TMEM163: variants seen among roughly 807,000 people sequenced by gnomAD.
TMEM163 encodes the protein transmembrane protein 163.
A neutral mutation model predicts 29.3 loss-of-function variants in TMEM163; 17 were observed. The observed-to-expected ratio is 0.58, with a 90% CI of 0.40 to 0.87. TMEM163 has a LOEUF of 0.87. TMEM163 is among the 40% of genes least tolerant of loss of function. TMEM163 has a pLI of 0.00. For synonymous variants in TMEM163, 157 were observed against 160.6 expected (o/e 0.98, Z 0.17); for missense variants, 303 against 381.5 (o/e 0.79, Z 1.71).
intron 5 of TMEM163, among the ~76,000 whole-genome samples, chr2:134,483,210 C>T (rs1679235547): frequency 6.6e-6 from 1 of 152,152 alleles, no homozygotes; most frequent in South Asian, 2.1e-4. Flanking sequence ...ATCAGAGTCT[C>T]GGGGACAAGC....
intron 4 of TMEM163, among the ~76,000 whole-genome samples, chr2:134,528,081 C>G (rs1422794069): frequency 1.3e-5 from 2 of 152,176 alleles, no homozygotes; most frequent in Non-Finnish European, 2.9e-5. Flanking sequence ...AAAAGAAACA[C>G]CTGGTCCTTC....
intron 5 of TMEM163, among the ~76,000 whole-genome samples, chr2:134,500,407 T>C (rs1679672244): frequency 6.6e-6 from 1 of 152,190 alleles, no homozygotes; most frequent in Non-Finnish European, 1.5e-5. Context: ...CACTCAGCCC[T>C]CAGCCGAGGA....
rs1169149117 is a variant in TMEM163, at chr2:134,713,290, G to A, written c.232C>T (p.Pro78Ser). 2 of 1,614,076 alleles carry A rather than the reference G, an allele frequency of 1.2e-6. No homozygotes were observed. Among genetic ancestry groups the A allele is most frequent in the Non-Finnish European group, 8.5e-7 (1 of 1,180,000 alleles). ...TTCCTGTAGTTCTGGGCTTCGTGAG[G>A]TTTCAGGCGGGTGCTGCTTTCTAGT... ...GLLESSTRLKPHEAQNYRKKA... is the reference protein window; with the variant it reads ...GLLESSTRLKSHEAQNYRKKA... Residue 78 changes from proline (P) to serine (S), a missense_variant, in exon 2 of 8, where the codon CCT becomes TCT. By Grantham distance (74) the Pro-to-Ser change is moderately conservative. Coordinates refer to ENST00000281924, the MANE Select transcript of TMEM163 (RefSeq NM_030923.5).
intron 2 of TMEM163, among the ~76,000 whole-genome samples, chr2:134,605,136 C>G (rs1682323381): frequency 6.6e-6 from 1 of 150,740 alleles, no homozygotes; most frequent in African/African-American, 2.4e-5. Context: ...GGGATCGCAC[C>G]ACTGCACTCC....
intron 5 of TMEM163, among the ~76,000 whole-genome samples, chr2:134,476,474 A>C (rs1686915142): frequency 6.6e-6 from 1 of 152,192 alleles, no homozygotes; most frequent in Non-Finnish European, 1.5e-5. Flanking sequence ...ATTATATCTC[A>C]ATAAAACTAA....
intron 2 of TMEM163, among the ~76,000 whole-genome samples, chr2:134,682,051 G>A (rs1005065293): frequency 2.0e-5 from 3 of 152,124 alleles, no homozygotes; most frequent in Non-Finnish European, 4.4e-5. Context: ...AGGATCCTAC[G>A]TAGTCTTTCA....
intron 2 of TMEM163, among the ~76,000 whole-genome samples, chr2:134,645,859 G>T (rs1252268661): frequency 2.0e-5 from 3 of 152,110 alleles, no homozygotes; most frequent in Non-Finnish European, 4.4e-5. Flanking sequence ...AAATTGTGCT[G>T]TATTCTGATT....
intron 2 of TMEM163, among the ~76,000 whole-genome samples, chr2:134,594,253 A>T (rs1682008286): frequency 1.3e-5 from 2 of 149,816 alleles, no homozygotes; most frequent in South Asian, 4.3e-4. Context: ...AGAAAGGGGG[A>T]GAAAGAGAGA....
chr2:134,579,816 A>G (rs548116400), intron 2 of TMEM163, among the ~76,000 whole-genome samples: 1 of 152,360 alleles, frequency 6.6e-6, no homozygotes, highest in South Asian at 2.1e-4. Context: ...AAATCTATGT[A>G]AAATATCAGT....
chr2:134,560,946 G>A (rs1681158412), intron 2 of TMEM163, among the ~76,000 whole-genome samples: 1 of 142,584 alleles, frequency 7.0e-6, no homozygotes, highest in Non-Finnish European at 1.5e-5. Flanking sequence ...CCAGCTCAGA[G>A]ACAAAAAGAC....
At chr2:134,704,715 C>T (rs980218171) in intron 2 of TMEM163, among the ~76,000 whole-genome samples, 11 of 152,194 alleles carry the variant, frequency 7.2e-5, no homozygotes, top group Admixed American at 1.3e-4. Flanking sequence ...GGCTCCCCCA[C>T]GCTCTTCCCC....
At chr2:134,483,162 G>A (rs1028926601) in intron 5 of TMEM163, among the ~76,000 whole-genome samples, 3 of 152,192 alleles carry the variant, frequency 2.0e-5, no homozygotes, top group African/African-American at 4.8e-5. Context: ...GGTCAAGGAA[G>A]CACCGTCAGT....
At chr2:134,561,506 C>T (rs967311285) in intron 2 of TMEM163, among the ~76,000 whole-genome samples, 13 of 152,050 alleles carry the variant, frequency 8.5e-5, no homozygotes, top group African/African-American at 3.1e-4. Context: ...ACCACCACGC[C>T]CGGCTAATTT....
intron 2 of TMEM163, among the ~76,000 whole-genome samples, chr2:134,696,714 G>T (rs1199553111): frequency 6.6e-6 from 1 of 152,098 alleles, no homozygotes; most frequent in African/African-American, 2.4e-5. Context: ...TTTGATTTTA[G>T]TATATTAAAC....
chr2:134,484,581 C>T (rs1679271451), intron 5 of TMEM163, among the ~76,000 whole-genome samples: 1 of 152,076 alleles, frequency 6.6e-6, no homozygotes, highest in Non-Finnish European at 1.5e-5. Flanking sequence ...GGCTGAGGCC[C>T]CTGTGTGTGT....
At chr2:134,611,794 C>T (rs1439883552) in intron 2 of TMEM163, among the ~76,000 whole-genome samples, 2 of 152,206 alleles carry the variant, frequency 1.3e-5, no homozygotes, top group Non-Finnish European at 2.9e-5. Flanking sequence ...GGAACACCTG[C>T]AGCCCTCTCA....
chr2:134,658,808 A>G (rs1330051968), intron 2 of TMEM163, among the ~76,000 whole-genome samples: 1 of 152,178 alleles, frequency 6.6e-6, no homozygotes, highest in Non-Finnish European at 1.5e-5. Context: ...CGTGTTAGCC[A>G]GGATGGTCTT....
At chr2:134,620,928 T>C (rs1298807809) in intron 2 of TMEM163, among the ~76,000 whole-genome samples, 1 of 152,166 alleles carries the variant, frequency 6.6e-6, no homozygotes, top group Non-Finnish European at 1.5e-5. Flanking sequence ...GGGCCAAGAT[T>C]TCCTAGACGC....
At chr2:134,669,558 G>T (rs1270305249) in intron 2 of TMEM163, among the ~76,000 whole-genome samples, 1 of 152,230 alleles carries the variant, frequency 6.6e-6, no homozygotes, top group East Asian at 1.9e-4. Context: ...ATGCCAATGT[G>T]GTTCCCATTC....
Sources: gnomAD v4.1 joint callset for allele counts (sites outside exome capture counted in the v4.1 genomes callset) on GRCh38, gnomAD v4.1.1 for gene constraint, MANE v1.5 for transcripts, NCBI Gene and HGNC (gene_info 2026-07-23, HGNC 2026-07-21) for gene names.